THSD7A: variants seen among roughly 807,000 people sequenced by gnomAD.
THSD7A encodes the protein thrombospondin type-1 domain-containing protein 7A.
THSD7A carries 96 observed loss-of-function variants against 231.3 expected under a neutral mutation model. The ratio of observed to expected loss-of-function variants is 0.41; its 90% CI spans 0.35 to 0.49. The LOEUF is 0.49. THSD7A is among the 20% of genes least tolerant of loss of function. The probability of loss-of-function intolerance (pLI) is 0.05; values close to 1 mark genes in which losing one functional copy is unlikely to be tolerated. For missense variants in THSD7A, 2,290 were observed against 2,070.2 expected (o/e 1.11, Z -2.06); for synonymous variants, 940 against 743.3 (o/e 1.26, Z -4.30).
At chr7:11,520,035 TTC>T (rs1402666831) in intron 6 of THSD7A, 2 of 152,206 alleles carry the variant, frequency 1.3e-5, no homozygotes. Context: ...CTTGTCTTCC[TTC>T]TCTCAACTTA....
At chr7:11,700,279 A>G (rs1176394821) in intron 1 of THSD7A, among the ~76,000 whole-genome samples, 1 of 151,180 alleles carries the variant, frequency 6.6e-6, no homozygotes, top group Non-Finnish European at 1.5e-5. Context: ...TAAATAATGT[A>G]CACTTTTACT....
At chr7:11,520,417 A>C (rs1013774386) in intron 6 of THSD7A, among the ~76,000 whole-genome samples, 1 of 152,224 alleles carries the variant, frequency 6.6e-6, no homozygotes, top group Non-Finnish European at 1.5e-5. Context: ...TACTTCTATA[A>C]GTTTTGATAG....
At chr7:11,504,565 G>T (rs1274607032) in intron 6 of THSD7A, among the ~76,000 whole-genome samples, 1 of 152,088 alleles carries the variant, frequency 6.6e-6, no homozygotes, top group Non-Finnish European at 1.5e-5. Flanking sequence ...ATATAATCTG[G>T]CCTACAAAGT....
At chr7:11,524,689 C>G (rs1788401701) in intron 6 of THSD7A, among the ~76,000 whole-genome samples, 2 of 152,122 alleles carry the variant, frequency 1.3e-5, no homozygotes, top group African/African-American at 4.8e-5. Context: ...GATTTTCCTC[C>G]TCTTATACAC....
rs540055160 is a variant in THSD7A, at chr7:11,375,121, T to A, written c.*673A>T. The A allele has an allele frequency of 4.6e-5, 7 of 152,142 alleles. No homozygotes were observed. The East Asian group carries it at 1.4e-3, about 29-fold the overall frequency. The allele number at this position is 152,142 out of a possible 1,614,324, so 9.4% of individuals were successfully genotyped here. On this transcript the variant is annotated 3_prime_UTR_variant, in exon 28 of 28. Coordinates refer to ENST00000423059, the MANE Select transcript of THSD7A (RefSeq NM_015204.3). ...CAATTACCACTATAAAATACTGAAC[T>A]TGAGGACTCGTTCTTCTAAGACACT...
At chr7:11,485,237 A>G (rs934730808) in intron 6 of THSD7A, among the ~76,000 whole-genome samples, 4 of 152,118 alleles carry the variant, frequency 2.6e-5, no homozygotes, top group Non-Finnish European at 5.9e-5. Context: ...TGCATATCAA[A>G]TCTAAGAAAC....
At position 11,741,268 on chromosome 7, in the gene THSD7A, A is replaced by G. The variant is rs111853904; in HGVS notation, c.190+90489T>C. Among the ~76,000 whole-genome samples the G allele has an allele frequency of 4.5e-3, 689 of 151,994 alleles. 5 individuals carry two copies. The highest frequency in any genetic ancestry group is 0.016 in the African/African-American group (652 of 41,502). ...CTTTGTGGTTTTGACTCAGGAAAAA[A>G]CTGTTTTCAATAACCTCTGGCAGGA... On this transcript the variant is annotated intron_variant, in intron 1 of 27. Transcript: ENST00000423059.
chr7:11,542,883 C>A (rs1295616103), intron 5 of THSD7A, 79 bp downstream of exon 5: 1 of 1,462,632 alleles, frequency 6.8e-7, no homozygotes, highest in South Asian at 1.4e-5. Context: ...ACAAGGAACA[C>A]AGAAGAGCAT....
intron 1 of THSD7A, among the ~76,000 whole-genome samples, chr7:11,716,632 G>GT (rs371458904): frequency 1.5e-3 from 223 of 151,564 alleles, no homozygotes; most frequent in African/African-American, 4.6e-3. Flanking sequence ...TACAGTAGGG[G>GT]TTTTTTTAAA....
intron 1 of THSD7A, among the ~76,000 whole-genome samples, chr7:11,703,621 C>A (rs1038745393): frequency 1.3e-5 from 2 of 151,200 alleles, no homozygotes; most frequent in African/African-American, 4.8e-5. Context: ...CTTAATGTAG[C>A]TGGCATTTTA....
At chr7:11,811,058 A>G (rs1411271862) in intron 1 of THSD7A, among the ~76,000 whole-genome samples, 1 of 152,190 alleles carries the variant, frequency 6.6e-6, no homozygotes, top group East Asian at 1.9e-4. Flanking sequence ...GCAACACAAT[A>G]AGCTGCAGAT....
chr7:11,581,844 C>A (rs923432644), intron 4 of THSD7A, among the ~76,000 whole-genome samples: 2 of 151,876 alleles, frequency 1.3e-5, no homozygotes, highest in African/African-American at 4.8e-5. Flanking sequence ...TGATTTTTAC[C>A]ATGCTTTGTA....
intron 1 of THSD7A, among the ~76,000 whole-genome samples, chr7:11,639,452 A>C (rs1781993613): frequency 1.3e-5 from 2 of 152,010 alleles, no homozygotes; most frequent in South Asian, 2.1e-4. Context: ...GGCGGATCAC[A>C]AGGTCAGGAG....
intron 4 of THSD7A, among the ~76,000 whole-genome samples, chr7:11,583,071 TA>T (rs910490189): frequency 1.3e-5 from 2 of 152,062 alleles, no homozygotes; most frequent in Non-Finnish European, 2.9e-5. Flanking sequence ...ATTATTTCCT[TA>T]TTTTTTTTGT....
chr7:11,499,664 A>T (rs1787251171), intron 6 of THSD7A, among the ~76,000 whole-genome samples: 1 of 152,232 alleles, frequency 6.6e-6, no homozygotes, highest in Non-Finnish European at 1.5e-5. Context: ...CAAGAATGTC[A>T]CAATGCAATC....
At chr7:11,679,135 A>G (rs1036832765) in intron 1 of THSD7A, among the ~76,000 whole-genome samples, 4 of 152,210 alleles carry the variant, frequency 2.6e-5, no homozygotes, top group Non-Finnish European at 5.9e-5. Context: ...AAGGCCTTTG[A>G]TAAAATTCAA....
intron 4 of THSD7A, among the ~76,000 whole-genome samples, chr7:11,557,413 A>G (rs1479647685): frequency 6.6e-6 from 1 of 151,952 alleles, no homozygotes; most frequent in Non-Finnish European, 1.5e-5. Flanking sequence ...GCTTCCTTAT[A>G]TCTTGTTGGA....
intron 4 of THSD7A, among the ~76,000 whole-genome samples, chr7:11,553,369 C>T (rs1789713208): frequency 6.6e-6 from 1 of 151,954 alleles, no homozygotes; most frequent in Non-Finnish European, 1.5e-5. Context: ...TACCTGAGTT[C>T]CTCAAAAACT....
intron 1 of THSD7A, among the ~76,000 whole-genome samples, chr7:11,726,493 G>A (rs550908887): frequency 3.3e-5 from 5 of 151,832 alleles, no homozygotes; most frequent in African/African-American, 1.2e-4. Flanking sequence ...CCACTTTTTG[G>A]TACTCAGTCT....
Sources: allele counts gnomAD v4.1 joint callset (sites outside exome capture counted in the v4.1 genomes callset), GRCh38; gene constraint gnomAD v4.1.1; transcripts MANE v1.5; gene names NCBI Gene and HGNC (gene_info 2026-07-23, HGNC 2026-07-21).